The following CNTN3 variants were observed in gnomAD, a reference collection of about 807,000 sequenced individuals.
CNTN3 encodes the protein contactin-3.
A neutral mutation model predicts 119.1 loss-of-function variants in CNTN3; 60 were observed. The observed-to-expected ratio is 0.50, with a 90% confidence interval of 0.41 to 0.62. The LOEUF (loss-of-function observed/expected upper bound fraction) is 0.62, where lower values mean the gene tolerates loss of function less well. Among genes scored for constraint, CNTN3 ranks in the 20% least tolerant of loss-of-function variants. The probability of loss-of-function intolerance (pLI) is 0.00; values close to 1 mark genes in which losing one functional copy is unlikely to be tolerated. For synonymous variants in CNTN3, 450 were observed against 438.7 expected, an observed-to-expected ratio of 1.03 and a Z score of -0.32; for missense variants, 1,101 against 1,242.4, an observed-to-expected ratio of 0.89 and a Z score of 1.71.
intron 5 of CNTN3, among the ~76,000 whole-genome samples, chr3:74,389,819 T>C (rs1332820873): frequency 6.6e-6 from 1 of 152,050 alleles, no homozygotes; most frequent in Non-Finnish European, 1.5e-5. Flanking sequence ...CCTTCCTAAA[T>C]CCAAGCTCTA....
chr3:74,563,002 TTCAG>T (rs1704176016), intron 1 of CNTN3, among the ~76,000 whole-genome samples: 1 of 152,134 alleles, frequency 6.6e-6, no homozygotes. Context: ...GCTGCAGATG[TTCAG>T]TCAATTAGAT....
At chr3:74,518,933 C>T (rs569590045) in intron 2 of CNTN3, among the ~76,000 whole-genome samples, 1 of 151,916 alleles carries the variant, frequency 6.6e-6, no homozygotes, top group South Asian at 2.1e-4. Flanking sequence ...CTAAAGTAAG[C>T]CATTGTTCCT....
intron 11 of CNTN3, among the ~76,000 whole-genome samples, chr3:74,346,675 A>G (rs1703695633): frequency 6.6e-6 from 1 of 152,016 alleles, no homozygotes; most frequent in Non-Finnish European, 1.5e-5. Flanking sequence ...CATCATTACC[A>G]ATCTGTATTT....
intron 1 of CNTN3, among the ~76,000 whole-genome samples, chr3:74,577,317 G>A (rs1704433407): frequency 6.6e-6 from 1 of 152,152 alleles, no homozygotes; most frequent in African/African-American, 2.4e-5. Flanking sequence ...TTTCTTGGAA[G>A]TATGATTTCT....
Position 74,355,912 on chromosome 3 carries a change from C to T in CNTN3, c.1364+5978G>A, listed in dbSNP as rs1415315873. Among the ~76,000 whole-genome samples, 4 of 152,038 alleles carry T rather than the reference C, an allele frequency of 2.6e-5. No individual in the cohort carries two copies. The South Asian group carries it at 6.2e-4, about 24-fold the overall frequency. On this transcript the variant is annotated intron_variant, in intron 11 of 22. Transcript: ENST00000263665. ...CTGCTTACCTCTACTGCCCAATTCT[C>T]TCTGAACACTCCCCTCCATGGCACC...
intron 20 of CNTN3, among the ~76,000 whole-genome samples, chr3:74,274,104 C>T (rs1701834204): frequency 6.6e-6 from 1 of 152,022 alleles, no homozygotes; most frequent in Non-Finnish European, 1.5e-5. Context: ...AGGTACATAA[C>T]TCTATTGACC....
chr3:74,308,616 AT>A (rs112570778), intron 13 of CNTN3, among the ~76,000 whole-genome samples: 2,894 of 146,718 alleles, frequency 0.02, 109 homozygotes, highest in African/African-American at 0.066. Flanking sequence ...CAACTTGGGA[AT>A]TTTTTTTTTT....
At chr3:74,435,875 G>T (rs1559600311) in intron 4 of CNTN3, among the ~76,000 whole-genome samples, 1 of 152,016 alleles carries the variant, frequency 6.6e-6, no homozygotes, top group South Asian at 2.1e-4. Context: ...CAACCCTCAC[G>T]CTGGTCTCCC....
chr3:74,609,274 C>T (rs1273464850), intron 1 of CNTN3, among the ~76,000 whole-genome samples: 2 of 152,106 alleles, frequency 1.3e-5, no homozygotes, highest in Admixed American at 1.3e-4. Flanking sequence ...CCCAAGGGGT[C>T]GGCCTCATGG....
At chr3:74,446,373 T>C (rs1306841031) in intron 4 of CNTN3, among the ~76,000 whole-genome samples, 2 of 152,150 alleles carry the variant, frequency 1.3e-5, no homozygotes, top group Admixed American at 1.3e-4. Context: ...TTAGGTTTAT[T>C]GAGATTGACA....
intron 1 of CNTN3, among the ~76,000 whole-genome samples, chr3:74,572,099 C>T (rs1312900408): frequency 6.6e-6 from 1 of 152,060 alleles, no homozygotes; most frequent in Non-Finnish European, 1.5e-5. Flanking sequence ...TTTCACCCAT[C>T]AAATTAGCAA....
At chr3:74,345,855 G>A (rs1448451219) in intron 11 of CNTN3, among the ~76,000 whole-genome samples, 1 of 152,176 alleles carries the variant, frequency 6.6e-6, no homozygotes, top group African/African-American at 2.4e-5. Context: ...TCTCAACTAA[G>A]TTGGTATATA....
At chr3:74,603,792 T>C (rs949486011) in intron 1 of CNTN3, among the ~76,000 whole-genome samples, 1 of 151,908 alleles carries the variant, frequency 6.6e-6, no homozygotes, top group Non-Finnish European at 1.5e-5. Context: ...TCCAAAGACA[T>C]TTTTCACAGA....
chr3:74,309,350 C>T (rs1702631011), intron 13 of CNTN3, among the ~76,000 whole-genome samples: 1 of 152,174 alleles, frequency 6.6e-6, no homozygotes, highest in South Asian at 2.1e-4. Context: ...AGTGATCCAC[C>T]CGCCTTGGCC....
intron 4 of CNTN3, among the ~76,000 whole-genome samples, chr3:74,477,966 T>G (rs1702689685): frequency 6.6e-6 from 1 of 152,052 alleles, no homozygotes; most frequent in Non-Finnish European, 1.5e-5. Context: ...TTATGTGAAA[T>G]AACAATAAGG....
Position 74,369,805 on chromosome 3 carries a change from AAAG to A in CNTN3, c.761+81_761+83del. ...ATGAAAGTAAATTTTAGAAAATAAA[AAAG>A]AAGAGTCTCTCAAAAACCATCCTGA... On this transcript the variant is annotated intron_variant, in intron 7 of 22. Coordinates refer to ENST00000263665, the MANE Select transcript of CNTN3 (RefSeq NM_020872.3). 3 of 712,416 alleles carry A rather than the reference AAAG, an allele frequency of 4.2e-6. No homozygotes were observed. The East Asian group carries it at 9.2e-5, about 22-fold the overall frequency. 44.1% of individuals were successfully genotyped at this position (712,416 alleles called of 1,614,324 possible).
chr3:74,302,854 C>G, intron 13 of CNTN3, 47 bp from the exon 14 acceptor site: 16 of 1,305,226 alleles, frequency 1.2e-5, no homozygotes, highest in Non-Finnish European at 1.8e-5. Context: ...TTTTAAAAAA[C>G]ACAAAGAAGT....
chr3:74,409,528 CAG>C (rs1701404137), intron 5 of CNTN3, among the ~76,000 whole-genome samples: 1 of 151,084 alleles, frequency 6.6e-6, no homozygotes, highest in Admixed American at 6.6e-5. Context: ...TTTTTTTTAA[CAG>C]TACTATTAAT....
intron 5 of CNTN3, among the ~76,000 whole-genome samples, chr3:74,424,062 A>G (rs772611365): frequency 2.6e-5 from 4 of 152,162 alleles, no homozygotes; most frequent in Non-Finnish European, 5.9e-5. Context: ...TTATCTCCCA[A>G]TAATTCTCAT....
Sources: gnomAD v4.1 joint callset for allele counts (sites outside exome capture counted in the v4.1 genomes callset) on GRCh38, gnomAD v4.1.1 for gene constraint, MANE v1.5 for transcripts, NCBI Gene and HGNC (gene_info 2026-07-23, HGNC 2026-07-21) for gene names.